POMGNT1: variants seen among roughly 807,000 people sequenced by gnomAD.
The protein encoded by POMGNT1 is protein O-linked-mannose beta-1,2-N-acetylglucosaminyltransferase 1.
A neutral mutation model predicts 95.6 loss-of-function variants in POMGNT1; 67 were observed. That is an observed-to-expected ratio of 0.70 (90% CI 0.58 to 0.86). POMGNT1 has a LOEUF of 0.86. Ranked by LOEUF, POMGNT1 falls within the 40% of genes least tolerant of loss-of-function variation. POMGNT1 has a pLI of 0.00. For synonymous variants in POMGNT1, 298 were observed against 317.9 expected, an observed-to-expected ratio of 0.94 and a Z score of 0.66; for missense variants, 719 against 855.2, an observed-to-expected ratio of 0.84 and a Z score of 1.99.
intron 1 of POMGNT1, among the ~76,000 whole-genome samples, chr1:46,206,552 G>A (rs1420911807): frequency 2.0e-5 from 3 of 152,156 alleles, no homozygotes; most frequent in East Asian, 3.8e-4. Context: ...CTCCTGAGCT[G>A]TTTATCCTAT....
chr1:46,195,748 C>G (rs544874080), intron 6 of POMGNT1, 63 bp downstream of exon 6: 10 of 1,435,796 alleles, frequency 7.0e-6, no homozygotes, highest in Admixed American at 5.9e-5. Context: ...GGCAGAGAAG[C>G]CGGGGCTAGA....
In POMGNT1 at chr1:46,194,255, G is replaced by A. The variant is rs762392832; in HGVS notation, c.879+19C>T. ...GCTGGGAAGGAGTCCAAACCTCACT[G>A]TCTTAAGGCCCCACTCACTGGGTCA... On this transcript the variant is annotated intron_variant, in intron 9 of 21. Coordinates refer to ENST00000371984, the MANE Select transcript of POMGNT1 (RefSeq NM_017739.4). The A allele has an allele frequency of 6.8e-6, 11 of 1,614,148 alleles. No individual in the cohort carries two copies. Among genetic ancestry groups the A allele is most frequent in the South Asian group, 6.6e-5 (6 of 91,084 alleles).
upstream of POMGNT1, among the ~76,000 whole-genome samples, chr1:46,201,073 A>G (rs968150173): frequency 3.9e-4 from 59 of 152,150 alleles, no homozygotes; most frequent in African/African-American, 1.3e-3. Flanking sequence ...AGAAGTTGCA[A>G]TGAGCCAAGA....
At chr1:46,214,351 G>GGA in intron 1 of POMGNT1, among the ~76,000 whole-genome samples, 1 of 127,490 alleles carries the variant, frequency 7.8e-6, no homozygotes, top group South Asian at 2.5e-4. Context: ...GTCTCAAAAA[G>GGA]AAAAAAAAAA....
chr1:46,215,051 C>A (rs1659022475), intron 1 of POMGNT1, among the ~76,000 whole-genome samples: 1 of 151,500 alleles, frequency 6.6e-6, no homozygotes, highest in Non-Finnish European at 1.5e-5. Flanking sequence ...ATGGTGAAAC[C>A]CTGTCTGTAC....
At chr1:46,194,472 A>G in intron 8 of POMGNT1, 71 bp from the exon 9 acceptor site, 1 of 1,614,106 alleles carries the variant, frequency 6.2e-7, no homozygotes, top group South Asian at 1.1e-5. Context: ...GCACACAATC[A>G]AAGGAATAAA....
At position 46,193,607 on chromosome 1, in the gene POMGNT1, A is replaced by AC. The variant is rs386834040; in HGVS notation, c.982dup (p.Val328GlyfsTer11). 1 of 1,614,080 alleles carries AC rather than the reference A, an allele frequency of 6.2e-7. No individual in the cohort carries two copies. Among genetic ancestry groups the AC allele is most frequent in the Admixed American group, 1.7e-5 (1 of 60,008 alleles). On this transcript the variant is annotated frameshift_variant, in exon 11 of 22. Coordinates refer to ENST00000371984, the MANE Select transcript of POMGNT1 (RefSeq NM_017739.4). LOFTEE classifies it high-confidence loss of function. ...GAAAACTGTTATCATCTGAGGAGAC[A>AC]CCCCCTGGGCTGAAAGCAGAGAGCG...
At chr1:46,201,779 G>A (rs1658542048), upstream of POMGNT1, among the ~76,000 whole-genome samples, 1 of 151,606 alleles carries the variant, frequency 6.6e-6, no homozygotes, top group Admixed American at 6.6e-5. Context: ...CAGAGTGTGA[G>A]TTAAACCCAT....
upstream of POMGNT1, among the ~76,000 whole-genome samples, chr1:46,199,303 G>A (rs890690193): frequency 6.6e-6 from 1 of 152,192 alleles, no homozygotes; most frequent in Non-Finnish European, 1.5e-5. Context: ...ACAAAGCTAG[G>A]AGAGGTGGAA....
chr1:46,201,697 C>CAAAAAAAAAAA (rs59930051), upstream of POMGNT1, among the ~76,000 whole-genome samples: 4 of 85,944 alleles, frequency 4.7e-5, no homozygotes, highest in Non-Finnish European at 4.7e-5. Flanking sequence ...GACTCCATCT[C>CAAAAAAAAAAA]AAAAAAAAAA....
intron 1 of POMGNT1, among the ~76,000 whole-genome samples, chr1:46,216,400 G>T (rs1408360543): frequency 1.3e-5 from 2 of 152,010 alleles, no homozygotes; most frequent in Non-Finnish European, 2.9e-5. Flanking sequence ...TGGGTGCAGT[G>T]GCACCACCAT....
chr1:46,213,170 A>G (rs1658956938), intron 1 of POMGNT1, among the ~76,000 whole-genome samples: 1 of 151,782 alleles, frequency 6.6e-6, no homozygotes, highest in South Asian at 2.1e-4. Flanking sequence ...TATTTATATG[A>G]TGTTTCAGTC....
At chr1:46,189,740 G>C (rs1657602093) in intron 20 of POMGNT1, 114 bp downstream of exon 20, 13 of 1,563,008 alleles carry the variant, frequency 8.3e-6, no homozygotes, top group Non-Finnish European at 7.8e-6. Flanking sequence ...TGTTCTAAGA[G>C]TATAAAGAGG....
chr1:46,194,808 T>G, intron 7 of POMGNT1, 36 bp downstream of exon 7: 1 of 1,613,704 alleles, frequency 6.2e-7, no homozygotes, highest in South Asian at 1.1e-5. Flanking sequence ...CCCAGGCTCT[T>G]GATACTACAG....
intron 1 of POMGNT1, among the ~76,000 whole-genome samples, chr1:46,205,622 G>A (rs1265118467): frequency 1.3e-5 from 2 of 152,184 alleles, no homozygotes; most frequent in African/African-American, 4.8e-5. Flanking sequence ...ACTTTAAGGG[G>A]CTGCATTTAA....
Position 46,196,888 on chromosome 1 carries a change from CAG to C in POMGNT1, c.236-41_236-40del, listed in dbSNP as rs1479749629. The C allele has an allele frequency of 3.7e-6, 6 of 1,614,056 alleles. No homozygotes were observed. Among genetic ancestry groups the C allele is most frequent in the Admixed American group, 1.7e-5 (1 of 60,012 alleles). On this transcript the variant is annotated intron_variant, in intron 3 of 21. Transcript: ENST00000371984. The surrounding 1 kb of genome is among the most constrained non-coding windows in gnomAD (Gnocchi z 4.4). Reference sequence around the variant, plus strand: ...CAGGTCATGGAGATAGTCTCCTCAGCAGAGTCTCACCGCTTAGGGTCTGCCTG... The same window carrying C: ...CAGGTCATGGAGATAGTCTCCTCAGCAGTCTCACCGCTTAGGGTCTGCCTG...
upstream of POMGNT1, among the ~76,000 whole-genome samples, chr1:46,201,632 A>G (rs1658534751): frequency 2.0e-5 from 3 of 148,584 alleles, no homozygotes; most frequent in African/African-American, 7.4e-5. Flanking sequence ...CCAGGAGGGC[A>G]GGTTGCAGTG....
chr1:46,198,758 A>G (rs1360410912), upstream of POMGNT1, among the ~76,000 whole-genome samples: 1 of 152,114 alleles, frequency 6.6e-6, no homozygotes, highest in East Asian at 1.9e-4. Context: ...CAACCCTTGG[A>G]CACAGGGCAC....
At position 46,189,055 on chromosome 1, in the gene POMGNT1, T is replaced by C; in HGVS notation, c.*215A>G. ...ATGATTCCCAGGTACTCTCCTGCCC[T>C]TCTCCAACAAGGAAGTAAATAAATA... is the stretch of plus-strand genomic sequence containing the variant. On this transcript the variant is annotated 3_prime_UTR_variant, in exon 22 of 22. Transcript: ENST00000371984. The C allele has an allele frequency of 6.5e-7, 1 of 1,532,674 alleles. No homozygotes were observed. Among genetic ancestry groups the C allele is most frequent in the South Asian group, 1.3e-5 (1 of 77,882 alleles). The allele number at this position is 1,532,674 out of a possible 1,614,324, so 94.9% of individuals were successfully genotyped here. A position where few individuals can be genotyped will look rare whatever the true frequency, so the allele number is the denominator to read the frequency against.
Sources: gnomAD v4.1 joint callset for allele counts (sites outside exome capture counted in the v4.1 genomes callset) on GRCh38, gnomAD v4.1.1 for gene constraint, Gnocchi (gnomAD v3.1) non-coding constraint, MANE v1.5 for transcripts, NCBI Gene and HGNC (gene_info 2026-07-23, HGNC 2026-07-21) for gene names.